Variants in HMGCLL1 observed in about 807,000 individuals in gnomAD.
HMGCLL1 encodes 3-hydroxy-3-methylglutaryl-CoA lyase like 1.
Under a neutral mutation model 39.1 loss-of-function variants are expected in HMGCLL1, and 36 were observed. The observed-to-expected ratio is 0.92, with a 90% CI of 0.71 to 1.22. HMGCLL1 has a LOEUF of 1.22. Ranked by LOEUF, HMGCLL1 falls within the 50% of genes most tolerant of loss-of-function variation. HMGCLL1 has a pLI of 0.00. For missense variants in HMGCLL1, 451 were observed against 416.5 expected, an observed-to-expected ratio of 1.08 and a Z score of -0.72; for synonymous variants, 149 against 144.0, an observed-to-expected ratio of 1.03 and a Z score of -0.25.
chr6:55,636,171 A>G, the HMGCLL1 span, among the ~76,000 whole-genome samples: 2 of 152,158 alleles, frequency 1.3e-5, no homozygotes, highest in African/African-American at 4.8e-5. Flanking sequence ...TTAATAAAGT[A>G]GAGACCACCT....
the HMGCLL1 span, among the ~76,000 whole-genome samples, chr6:55,662,806 T>C: frequency 1.3e-5 from 2 of 151,814 alleles, no homozygotes; most frequent in African/African-American, 4.8e-5. Context: ...TGAATCCATC[T>C]GACCCTGGGT....
At chr6:55,499,136 C>G (rs1379460958) in intron 6 of HMGCLL1, 100 bp downstream of exon 6, 1 of 899,154 alleles carries the variant, frequency 1.1e-6, no homozygotes, top group Non-Finnish European at 1.7e-6. Flanking sequence ...TAATCCATGG[C>G]TTCATGCTAT....
intron 1 of HMGCLL1, among the ~76,000 whole-genome samples, chr6:55,566,876 G>T (rs908410690): frequency 5.9e-5 from 9 of 152,146 alleles, no homozygotes; most frequent in African/African-American, 1.9e-4. Flanking sequence ...ACTACTCAAA[G>T]ATATATTTGA....
intron 8 of HMGCLL1, among the ~76,000 whole-genome samples, chr6:55,437,022 C>A (rs916751906): frequency 1.3e-5 from 2 of 151,948 alleles, no homozygotes; most frequent in African/African-American, 4.8e-5. Flanking sequence ...TAAATTACAT[C>A]CAGCAAGGGT....
chr6:55,647,319 C>T, the HMGCLL1 span, among the ~76,000 whole-genome samples: 1 of 151,812 alleles, frequency 6.6e-6, no homozygotes, highest in Non-Finnish European at 1.5e-5. Flanking sequence ...TTGTAGGTAA[C>T]AGATCATTGG....
chr6:55,491,013 T>C (rs1301903484), intron 7 of HMGCLL1, among the ~76,000 whole-genome samples: 2 of 152,130 alleles, frequency 1.3e-5, no homozygotes, highest in African/African-American at 4.8e-5. Flanking sequence ...TATACACACT[T>C]GAAAATCCAA....
At chr6:55,520,390 G>T (rs1767978771) in intron 3 of HMGCLL1, among the ~76,000 whole-genome samples, 1 of 151,728 alleles carries the variant, frequency 6.6e-6, no homozygotes, top group East Asian at 1.9e-4. Flanking sequence ...AATACAGAAA[G>T]TAGAATCCAA....
At chr6:55,623,433 C>A in the HMGCLL1 span, among the ~76,000 whole-genome samples, 1 of 151,654 alleles carries the variant, frequency 6.6e-6, no homozygotes, top group Non-Finnish European at 1.5e-5. Context: ...AATAGATTTT[C>A]GTGTGGTGTA....
the HMGCLL1 span, among the ~76,000 whole-genome samples, chr6:55,592,012 A>G: frequency 6.6e-6 from 1 of 151,986 alleles, no homozygotes; most frequent in East Asian, 1.9e-4. Context: ...TAAAATACTA[A>G]TTTTTATAAC....
At chr6:55,552,835 C>G (rs1230145350) in intron 1 of HMGCLL1, among the ~76,000 whole-genome samples, 4 of 151,754 alleles carry the variant, frequency 2.6e-5, no homozygotes, top group Admixed American at 2.6e-4. Context: ...GGAAATCTTA[C>G]AAAAGTTTTA....
chr6:55,631,776 C>G, the HMGCLL1 span, among the ~76,000 whole-genome samples: 1 of 152,010 alleles, frequency 6.6e-6, no homozygotes, highest in Non-Finnish European at 1.5e-5. Flanking sequence ...TACAACATGA[C>G]AAATTAATGA....
chr6:55,645,649 A>T, the HMGCLL1 span, among the ~76,000 whole-genome samples: 1 of 151,998 alleles, frequency 6.6e-6, no homozygotes, highest in Non-Finnish European at 1.5e-5. Context: ...GAATGAATTG[A>T]AATGATTGTA....
intron 3 of HMGCLL1, among the ~76,000 whole-genome samples, chr6:55,540,027 AGG>A (rs1438180287): frequency 5.0e-5 from 1 of 19,948 alleles, no homozygotes; most frequent in South Asian, 3.7e-3. Flanking sequence ...GGAGGGAGGG[AGG>A]GAGGGAGGGA....
intron 1 of HMGCLL1, among the ~76,000 whole-genome samples, chr6:55,546,981 T>C (rs1174876087): frequency 6.6e-6 from 1 of 152,018 alleles, no homozygotes; most frequent in Non-Finnish European, 1.5e-5. Flanking sequence ...AGAAATACTA[T>C]CTTGAATTTA....
chr6:55,558,144 A>G (rs2127468984), intron 1 of HMGCLL1, among the ~76,000 whole-genome samples: 1 of 152,364 alleles, frequency 6.6e-6, no homozygotes, highest in Admixed American at 6.5e-5. Context: ...AACCAGAAGG[A>G]TAGAAAACTA....
intron 1 of HMGCLL1, among the ~76,000 whole-genome samples, chr6:55,560,870 A>C (rs1770912467): frequency 6.6e-6 from 1 of 152,186 alleles, no homozygotes; most frequent in African/African-American, 2.4e-5. Flanking sequence ...CACTTCTGCT[A>C]AACTTGGATG....
chr6:55,580,406 CTTTTTTTTTTTTTTTTT>C, upstream of HMGCLL1, among the ~76,000 whole-genome samples: 1 of 73,270 alleles, frequency 1.4e-5, no homozygotes, highest in South Asian at 5.7e-4. Flanking sequence ...TTTTTTCTTT[CTTTTTTTTTTTTTTTTT>C]TTTTTTTTTT....
At chr6:55,453,145 T>C (rs1764175121) in intron 7 of HMGCLL1, among the ~76,000 whole-genome samples, 1 of 152,070 alleles carries the variant, frequency 6.6e-6, no homozygotes, top group Admixed American at 6.5e-5. Flanking sequence ...AAGCATGTAC[T>C]AAGAAGTTTG....
chr6:55,487,558 G>T (rs2127417884), intron 7 of HMGCLL1, among the ~76,000 whole-genome samples: 1 of 151,954 alleles, frequency 6.6e-6, no homozygotes. Flanking sequence ...TTGGTTTTCT[G>T]GTCGTGTGAT....
Sources: allele counts gnomAD v4.1 joint callset (sites outside exome capture counted in the v4.1 genomes callset), GRCh38; gene constraint gnomAD v4.1.1; transcripts MANE v1.5; gene names NCBI Gene and HGNC (gene_info 2026-07-23, HGNC 2026-07-21).